The following TMEM94 variants were observed in gnomAD, a reference collection of about 807,000 sequenced individuals.
TMEM94 encodes transmembrane protein 94.
Under a neutral mutation model 158.6 loss-of-function variants are expected in TMEM94, and 81 were observed. That is an observed-to-expected ratio of 0.51 (90% CI 0.43 to 0.61). The LOEUF (loss-of-function observed/expected upper bound fraction) is 0.61, where lower values mean the gene tolerates loss of function less well. Ranked by LOEUF, TMEM94 falls within the 20% of genes least tolerant of loss-of-function variation. The probability of loss-of-function intolerance (pLI) is 0.00; values close to 1 mark genes in which losing one functional copy is unlikely to be tolerated. For synonymous variants in TMEM94, 751 were observed against 730.7 expected, an observed-to-expected ratio of 1.03 and a Z score of -0.45; for missense variants, 1,435 against 1,762.0, an observed-to-expected ratio of 0.81 and a Z score of 3.32.
chr17:75,463,757 A>T (rs1034198547), intron 1 of TMEM94, among the ~76,000 whole-genome samples: 6 of 152,036 alleles, frequency 3.9e-5, no homozygotes, highest in Admixed American at 1.3e-4. Flanking sequence ...AGCTTCTTGG[A>T]TTTTGACTTT....
chr17:75,496,626 T>G, intron 24 of TMEM94, 104 bp from the exon 25 acceptor site: 1 of 1,415,584 alleles, frequency 7.1e-7, no homozygotes, highest in Non-Finnish European at 9.9e-7. Flanking sequence ...GCTCCCCTCG[T>G]AGAAGCATCC....
chr17:75,497,281 G>T, intron 26 of TMEM94, 83 bp downstream of exon 26: 1 of 1,128,002 alleles, frequency 8.9e-7, no homozygotes, highest in Non-Finnish European at 1.3e-6. Flanking sequence ...GGAGCCCAAG[G>T]TTCTGGAACT....
At chr17:75,482,324 C>T (rs2051225539) in intron 2 of TMEM94, among the ~76,000 whole-genome samples, 2 of 150,706 alleles carry the variant, frequency 1.3e-5, no homozygotes, top group Non-Finnish European at 1.5e-5. Flanking sequence ...CCAGCCTGGG[C>T]AACAGAACGA....
intron 1 of TMEM94, among the ~76,000 whole-genome samples, chr17:75,467,715 G>T (rs2050359014): frequency 6.6e-6 from 1 of 150,662 alleles, no homozygotes; most frequent in South Asian, 2.1e-4. Flanking sequence ...TGTATTTTTA[G>T]TAGAGACGGG....
intron 5 of TMEM94, 72 bp downstream of exon 5, chr17:75,486,498 T>G: frequency 5.0e-6 from 8 of 1,590,510 alleles, no homozygotes; most frequent in Non-Finnish European, 4.3e-6. Context: ...GCTCCCCTCC[T>G]GCACCCCAGC....
Position 75,498,482 on chromosome 17 carries a change from C to A in TMEM94, c.3677C>A (p.Ala1226Asp). The change falls in exon 29 of 32, where the codon GCC (alanine) becomes GAC (aspartate). Residue 1226 changes from alanine (A) to aspartate (D), a missense_variant. Around this residue, in one of 3 missense-constraint regions of TMEM94, gnomAD observed 335 missense variants for 409.1 expected, o/e 0.82. Transcript: ENST00000314256. This position sits in a 1 kb window ranked among gnomAD's most constrained non-coding sequence, Gnocchi z 6.7. ...GCTCCAGCCTGGTTTGAGGACTTTG[C>A]CAATGGACTGCTGTCGGCTCAGAAG... The part of the protein sequence containing the change: ...DRAPAWFEDF[A>D]NGLLSAQKLT... 1 of 1,590,784 alleles carries A rather than the reference C, an allele frequency of 6.3e-7. No homozygotes were observed. The highest frequency in any genetic ancestry group is 1.1e-5 in the South Asian group (1 of 87,184).
intron 2 of TMEM94, 145 bp downstream of exon 2, chr17:75,472,074 C>T (rs1305500936): frequency 2.3e-5 from 16 of 703,278 alleles, no homozygotes; most frequent in Admixed American, 7.1e-5. Context: ...TTGGGGGATG[C>T]GACTGTGACC....
Position 75,458,416 on chromosome 17 carries a change from A to C in TMEM94, c.-107+1665A>C, listed in dbSNP as rs114554901. ...AAAAATTTAAAGCAATGGCACTAGT[A>C]AGGTTCAAAAGAGTCAAAGTAATGC... On this transcript the variant is annotated intron_variant, in intron 1 of 31. Coordinates refer to ENST00000314256, the MANE Select transcript of TMEM94 (RefSeq NM_014738.6). Among the ~76,000 whole-genome samples, 657 of 152,346 alleles carry C rather than the reference A, an allele frequency of 4.3e-3. 1 individual carries two copies. The highest frequency in any genetic ancestry group is 0.015 in the African/African-American group (637 of 41,582).
intron 1 of TMEM94, among the ~76,000 whole-genome samples, chr17:75,463,030 AAAAAAAAATATATATATAT>A (rs2050136121): frequency 1.1e-4 from 1 of 8,978 alleles, no homozygotes; most frequent in Non-Finnish European, 2.2e-4. Flanking sequence ...AAAAAAAAAA[AAAAAAAAATATATATATAT>A]ATATATATAT....
Position 75,496,380 on chromosome 17 carries a change from C to T in TMEM94, c.3152C>T (p.Pro1051Leu), listed in dbSNP as rs748106900. Residue 1051 changes from proline to leucine, a missense_variant, in exon 24 of 32, where the codon CCC becomes CTC. Transcript: ENST00000314256. ...GCCCAGGCCTCGGATGGCCTTTCTC[C>T]CCTGCAGCTGTCAGGGCAGCTCAAC... ...SMAQASDGLS[P>L]LQLSGQLNSL... 6.2e-7 allele frequency: 1 copy of T among 1,613,932 alleles called. No homozygotes were observed. The highest frequency in any genetic ancestry group is 1.1e-5 in the South Asian group (1 of 91,094).
chr17:75,458,107 T>A (rs1048720451), intron 1 of TMEM94, among the ~76,000 whole-genome samples: 9 of 152,144 alleles, frequency 5.9e-5, no homozygotes, highest in Non-Finnish European at 7.3e-5. Flanking sequence ...ATTTTAGTGA[T>A]TCTCAGGGCA....
Position 75,485,895 on chromosome 17 carries a change from C to T in TMEM94, c.169C>T (p.His57Tyr), listed in dbSNP as rs376544483. The T allele has an allele frequency of 2.9e-5, 46 of 1,613,186 alleles. 1 individual carries two copies. The highest frequency in any genetic ancestry group is 3.8e-5 in the Non-Finnish European group (45 of 1,179,664). Residue 57 changes from histidine (H) to tyrosine (Y), a missense_variant, in exon 4 of 32, where the codon CAC becomes TAC. Around this residue, in one of 3 missense-constraint regions of TMEM94, gnomAD observed 1,051 missense variants for 1,254.4 expected, o/e 0.84. Coordinates refer to ENST00000314256, the MANE Select transcript of TMEM94 (RefSeq NM_014738.6). The surrounding 1 kb of genome is among the most constrained non-coding windows in gnomAD (Gnocchi z 5.5). ...WKEVWRSSFL[H>Y]HSNRCSCFHW... The stretch of plus-strand genomic sequence containing the variant: ...GGAGGTGTGGAGAAGCAGCTTCCTC[C>T]ACCACAGTAACCGCTGCTCCTGCTT...
chr17:75,495,434 A>G lies in TMEM94; in HGVS notation c.2844+35A>G, dbSNP rs372317868. The stretch of plus-strand genomic sequence containing the variant: ...CAGGATCTGTCTCACGTGTTCCTGT[A>G]GTGGTCCCATAGCTGGTCCAGGGGA... On this transcript the variant is annotated intron_variant, in intron 21 of 31. Coordinates refer to ENST00000314256, the MANE Select transcript of TMEM94 (RefSeq NM_014738.6). The surrounding 1 kb of genome is among the most constrained non-coding windows in gnomAD (Gnocchi z 5.6). 3 of 1,596,236 alleles carry G rather than the reference A, an allele frequency of 1.9e-6. No homozygotes were observed. The highest frequency in any genetic ancestry group is 2.7e-5 in the African/African-American group (2 of 74,546).
Position 75,494,684 on chromosome 17 carries a change from T to C in TMEM94, c.2465T>C (p.Ile822Thr), listed in dbSNP as rs573677017. ...EDCMQALSGQ[I>T]FMGMVSSQYQ... ...TGCATGCAGGCCCTGAGCGGCCAGA[T>C]CTTCATGGGCATGGTGTCCTCCCAG... Residue 822 changes from isoleucine to threonine, a missense_variant, in exon 19 of 32, where the codon ATC becomes ACC. Around this residue, in one of 3 missense-constraint regions of TMEM94, gnomAD observed 1,051 missense variants for 1,254.4 expected, o/e 0.84. Transcript: ENST00000314256. The C allele has an allele frequency of 1.9e-6, 3 of 1,613,712 alleles. No homozygotes were observed. The highest frequency in any genetic ancestry group is 1.7e-6 in the Non-Finnish European group (2 of 1,180,026).
chr17:75,476,410 T>G (rs2050693021), intron 2 of TMEM94: 3 of 909,204 alleles, frequency 3.3e-6, no homozygotes, highest in Non-Finnish European at 4.6e-6. Context: ...TCCCTCCTTC[T>G]CTTTCCTCTT....
At chr17:75,463,127 CGTGTATATA>C in intron 1 of TMEM94, among the ~76,000 whole-genome samples, 1 of 1,912 alleles carries the variant, frequency 5.2e-4, no homozygotes, top group African/African-American at 2.2e-3. Flanking sequence ...TATATATATA[CGTGTATATA>C]TGTATATATA....
chr17:75,476,322 C>G (rs1160976719), intron 2 of TMEM94, among the ~76,000 whole-genome samples: 1 of 152,170 alleles, frequency 6.6e-6, no homozygotes, highest in Non-Finnish European at 1.5e-5. Context: ...ACTGTGGCCT[C>G]CTCTGAAGAA....
In TMEM94 at chr17:75,471,938, T is replaced by C; in HGVS notation, c.24+9T>C. 6.2e-7 allele frequency: 1 copy of C among 1,613,600 alleles called. No homozygotes were observed. Among genetic ancestry groups the C allele is most frequent in the Non-Finnish European group, 8.5e-7 (1 of 1,179,564 alleles). ...TGAAGGAGAAGCACCTGGTAGGCCA[T>C]ATCCTATTACCTTATAGGTATTGTC... On this transcript the variant is annotated intron_variant, in intron 2 of 31. Coordinates refer to ENST00000314256, the MANE Select transcript of TMEM94 (RefSeq NM_014738.6).
chr17:75,465,655 T>TATATATATATATATATATA (rs9302993), intron 1 of TMEM94, among the ~76,000 whole-genome samples: 13 of 98,822 alleles, frequency 1.3e-4, no homozygotes, highest in African/African-American at 6.4e-4. Flanking sequence ...ATAAGAATTT[T>TATATATATATATATATATA]TATATATATA....
Sources: allele counts gnomAD v4.1 joint callset (sites outside exome capture counted in the v4.1 genomes callset), GRCh38; gene constraint gnomAD v4.1.1; regional missense constraint gnomAD v4.1.1; non-coding constraint Gnocchi (gnomAD v3.1); transcripts MANE v1.5; gene names NCBI Gene and HGNC (gene_info 2026-07-23, HGNC 2026-07-21).